The following FUT8 variants were observed in gnomAD, a reference collection of about 807,000 sequenced individuals.
FUT8 encodes alpha-(1,6)-fucosyltransferase.
Under a neutral mutation model 71.3 loss-of-function variants are expected in FUT8, and 29 were observed. The ratio of observed to expected loss-of-function variants is 0.41; its 90% CI spans 0.30 to 0.55. FUT8 has a LOEUF of 0.55. Ranked by LOEUF, FUT8 falls within the 20% of genes least tolerant of loss-of-function variation. FUT8 has a pLI of 0.34. For synonymous variants in FUT8, 254 were observed against 239.3 expected, an observed-to-expected ratio of 1.06 and a Z score of -0.57; for missense variants, 544 against 702.1, an observed-to-expected ratio of 0.77 and a Z score of 2.55.
chr14:65,457,601 T>C (rs2065911022), intron 2 of FUT8, among the ~76,000 whole-genome samples: 1 of 152,182 alleles, frequency 6.6e-6, no homozygotes, highest in South Asian at 2.1e-4. Flanking sequence ...GCACAATTTC[T>C]GTCCCTTTTA....
At position 65,660,259 on chromosome 14, in the gene FUT8, A is replaced by G. The variant is rs891752639; in HGVS notation, c.598-8984A>G. On this transcript the variant is annotated intron_variant, in intron 6 of 10. Transcript: ENST00000673929. The surrounding 1 kb of genome is among the most constrained non-coding windows in gnomAD (Gnocchi z 4.1). ...AGAGGTAACAGAATACTGTCTTGAA[A>G]GCCTCAGTGGAAGAAATGCCCCACA... Among the ~76,000 whole-genome samples the G allele has an allele frequency of 1.3e-5, 2 of 152,136 alleles. No homozygotes were observed. Among genetic ancestry groups the G allele is most frequent in the African/African-American group, 4.8e-5 (2 of 41,432 alleles).
chr14:65,372,478 C>T, the FUT8 span, among the ~76,000 whole-genome samples: 4 of 151,262 alleles, frequency 2.6e-5, no homozygotes, highest in South Asian at 2.1e-4. Context: ...TGCAGTGGCG[C>T]GATCTTGGCT....
chr14:65,738,110 A>C (rs999632443), intron 10 of FUT8, among the ~76,000 whole-genome samples: 1 of 152,138 alleles, frequency 6.6e-6, no homozygotes, highest in Non-Finnish European at 1.5e-5. Flanking sequence ...CAGAGGCTCT[A>C]TCTAGCTTAC....
At chr14:65,611,734 C>G (rs1283750603) in intron 3 of FUT8, among the ~76,000 whole-genome samples, 4 of 152,150 alleles carry the variant, frequency 2.6e-5, no homozygotes, top group African/African-American at 9.7e-5. Flanking sequence ...GATCTCGACT[C>G]ACTGCAACCT....
intron 3 of FUT8, among the ~76,000 whole-genome samples, chr14:65,584,996 A>G (rs1887298455): frequency 6.6e-6 from 1 of 151,492 alleles, no homozygotes. Flanking sequence ...TTATTTTAAC[A>G]GATATTCCTA....
chr14:65,652,722 T>C lies in FUT8; in HGVS notation c.598-16521T>C, dbSNP rs1311097294. Among the ~76,000 whole-genome samples the C allele has an allele frequency of 6.6e-6, 1 of 152,114 alleles. No homozygotes were observed. The highest frequency in any genetic ancestry group is 1.5e-5 in the Non-Finnish European group (1 of 68,036). On this transcript the variant is annotated intron_variant, in intron 6 of 10. Coordinates refer to ENST00000673929, the MANE Select transcript of FUT8 (RefSeq NM_001371533.1). The surrounding 1 kb of genome is among the most constrained non-coding windows in gnomAD (Gnocchi z 4.0). The stretch of plus-strand genomic sequence containing the variant: ...GCCTGACACAATGGGGGTCAATATG[T>C]ATTTATTGGATAAAGGAATAAGAGA...
intron 2 of FUT8, among the ~76,000 whole-genome samples, chr14:65,495,129 A>G (rs2066539265): frequency 6.6e-6 from 1 of 150,982 alleles, no homozygotes; most frequent in Admixed American, 6.6e-5. Context: ...TATAGGATTT[A>G]ATATGTTTAT....
chr14:65,551,046 C>T (rs1885255280), intron 2 of FUT8, among the ~76,000 whole-genome samples: 1 of 152,152 alleles, frequency 6.6e-6, no homozygotes, highest in Non-Finnish European at 1.5e-5. Context: ...TGCCGTATTA[C>T]CCTTTGCATA....
chr14:65,447,231 G>GT (rs2065755918), intron 1 of FUT8, among the ~76,000 whole-genome samples: 1 of 150,038 alleles, frequency 6.7e-6, no homozygotes, highest in Admixed American at 6.7e-5. Flanking sequence ...GGCAGAGGCT[G>GT]TAGTGAGCTG....
chr14:65,654,317 G>A (rs558354201), intron 6 of FUT8, among the ~76,000 whole-genome samples: 5 of 152,138 alleles, frequency 3.3e-5, no homozygotes, highest in South Asian at 2.1e-4. Flanking sequence ...GGCCAGGCAC[G>A]GTGGAGCACG....
chr14:65,384,928 G>T, the FUT8 span, among the ~76,000 whole-genome samples: 2 of 145,974 alleles, frequency 1.4e-5, no homozygotes, highest in African/African-American at 5.1e-5. This position sits in a 1 kb window ranked among gnomAD's most constrained non-coding sequence, Gnocchi z 4.2. Flanking sequence ...TTTCGCTCTT[G>T]TTGCCCAGGC....
intron 3 of FUT8, among the ~76,000 whole-genome samples, chr14:65,605,845 A>C (rs1888555051): frequency 6.6e-6 from 1 of 151,876 alleles, no homozygotes; most frequent in Admixed American, 6.6e-5. Flanking sequence ...CCTGGTTACC[A>C]AAAATGCTGA....
chr14:65,679,979 A>AG (rs892101364), intron 7 of FUT8, among the ~76,000 whole-genome samples: 18 of 152,218 alleles, frequency 1.2e-4, no homozygotes, highest in African/African-American at 4.1e-4. Context: ...GTTCCAACAG[A>AG]GGAACCATTG....
chr14:65,504,790 G>C (rs2066700690), intron 2 of FUT8, among the ~76,000 whole-genome samples: 1 of 152,228 alleles, frequency 6.6e-6, no homozygotes, highest in African/African-American at 2.4e-5. Flanking sequence ...CTGACATCAG[G>C]TGATCTGCCC....
intron 1 of FUT8, among the ~76,000 whole-genome samples, chr14:65,452,258 T>G (rs931941830): frequency 2.6e-5 from 4 of 152,192 alleles, no homozygotes; most frequent in Non-Finnish European, 5.9e-5. Flanking sequence ...ATAGTCCCCC[T>G]TTAAAATACA....
chr14:65,718,015 T>G (rs910163346), intron 7 of FUT8, among the ~76,000 whole-genome samples: 1 of 152,180 alleles, frequency 6.6e-6, no homozygotes, highest in South Asian at 2.1e-4. Flanking sequence ...TCTTAGCTAT[T>G]CAGCCACTCT....
intron 6 of FUT8, among the ~76,000 whole-genome samples, chr14:65,637,842 G>A (rs560100646): frequency 2.0e-5 from 3 of 152,246 alleles, no homozygotes; most frequent in East Asian, 1.9e-4. Flanking sequence ...CCAGGAAGTC[G>A]TCGTGGATTT....
rs927792312 is a variant in FUT8 at position 65,721,707 on chromosome 14, G to A, written c.836-68G>A. On this transcript the variant is annotated intron_variant, in intron 7 of 10. Coordinates refer to ENST00000673929, the MANE Select transcript of FUT8 (RefSeq NM_001371533.1). ...GTGAGGATGAAAGCACTCAGAATAA[G>A]TTCTTGTTGAATGGTGGATGTATAA... The A allele has an allele frequency of 5.3e-6, 8 of 1,495,846 alleles. No individual in the cohort carries two copies. The African/African-American group carries it at 8.3e-5, about 15-fold the overall frequency. The allele number at this position is 1,495,846 out of a possible 1,614,324, so 92.7% of individuals were successfully genotyped here.
At chr14:65,464,979 ATTAT>A (rs775921377) in intron 2 of FUT8, among the ~76,000 whole-genome samples, 2 of 152,262 alleles carry the variant, frequency 1.3e-5, no homozygotes, top group South Asian at 2.1e-4. Context: ...AAGATTATTA[ATTAT>A]TTATTCAGGT....
Sources: gnomAD v4.1 joint callset for allele counts (sites outside exome capture counted in the v4.1 genomes callset) on GRCh38, gnomAD v4.1.1 for gene constraint, Gnocchi (gnomAD v3.1) non-coding constraint, MANE v1.5 for transcripts, NCBI Gene and HGNC (gene_info 2026-07-23, HGNC 2026-07-21) for gene names.